The following TCF3 variants were observed in gnomAD, a reference collection of about 807,000 sequenced individuals.
TCF3 encodes the protein transcription factor 3.
In TCF3, 54 loss-of-function variants were observed where a neutral mutation model predicts 72.3. That is an observed-to-expected ratio of 0.75 (90% CI 0.60 to 0.94). The LOEUF (loss-of-function observed/expected upper bound fraction) is 0.94, where lower values mean the gene tolerates loss of function less well. TCF3 is among the 40% of genes least tolerant of loss of function. The pLI is 0.00. For missense variants in TCF3, 1,078 were observed against 934.4 expected, an observed-to-expected ratio of 1.15 and a Z score of -2.00; for synonymous variants, 525 against 412.6, an observed-to-expected ratio of 1.27 and a Z score of -3.30.
intron 1 of TCF3, chr19:1,650,846 G>A (rs767402713): frequency 1.3e-5 from 3 of 231,178 alleles, no homozygotes; most frequent in African/African-American, 4.4e-5. Context: ...TCTTTTACAA[G>A]CTTCAAGACT....
rs544599879 is a variant in TCF3 at position 1,619,615 on chromosome 19, C to T, written c.1168-141G>A. 1.7e-5 allele frequency: 22 copies of T among 1,331,770 alleles called. No individual in the cohort carries two copies. In the African/African-American group the frequency reaches 2.3e-4, roughly 14 times the overall value. 82.5% of individuals were successfully genotyped at this position (1,331,770 alleles called of 1,614,324 possible). On this transcript the variant is annotated intron_variant, in intron 14 of 18. Coordinates refer to ENST00000262965, the MANE Select transcript of TCF3 (RefSeq NM_003200.5). ...AGCTGCATATGCCAGGCATCTGGCG[C>T]CCGGGAGCACACACAAAATGTGTGT...
At chr19:1,632,760 C>T (rs1161933694) in intron 3 of TCF3, among the ~76,000 whole-genome samples, 5 of 152,202 alleles carry the variant, frequency 3.3e-5, no homozygotes, top group African/African-American at 2.4e-5. Flanking sequence ...CCCTCTGGCC[C>T]AGCCCTGACT....
At position 1,632,127 on chromosome 19, in the gene TCF3, T is replaced by C. The variant is rs866686373; in HGVS notation, c.220-11A>G. ...GCCCTCGCTGAAGGTCTAGGGGAGA[T>C]GGGGTGGGGATGAGAGGTGCTGGGG... On this transcript the variant is annotated splice_polypyrimidine_tract_variant and intron_variant, in intron 4 of 18. Coordinates refer to ENST00000262965, the MANE Select transcript of TCF3 (RefSeq NM_003200.5). 2 of 1,611,758 alleles carry C rather than the reference T, an allele frequency of 1.2e-6. No homozygotes were observed. Among genetic ancestry groups the C allele is most frequent in the Middle Eastern group, 3.3e-4 (2 of 6,034 alleles).
In TCF3 at chr19:1,644,641, G is replaced by A. The variant is rs558504933; in HGVS notation, c.145+1714C>T. On this transcript the variant is annotated intron_variant, in intron 3 of 18. Coordinates refer to ENST00000262965, the MANE Select transcript of TCF3 (RefSeq NM_003200.5). ...CTGCAAACATTGGCAGGTTCCTGCT[G>A]GGACCGGGCTGGGCGTCCAGGGAGA... is the stretch of plus-strand genomic sequence containing the variant. Among the ~76,000 whole-genome samples, 3 of 152,328 alleles carry A rather than the reference G, an allele frequency of 2.0e-5. No individual in the cohort carries two copies. The South Asian group carries it at 6.2e-4, about 32-fold the overall frequency.
At chr19:1,630,337 C>A (rs941873779) in intron 5 of TCF3, among the ~76,000 whole-genome samples, 1 of 152,178 alleles carries the variant, frequency 6.6e-6, no homozygotes, top group African/African-American at 2.4e-5. Flanking sequence ...TCAGACACAC[C>A]CGCCAGACCT....
rs149166972 is a variant in TCF3 at position 1,615,376 on chromosome 19, T to C, written c.1731A>G (p.Gln577=). 8.5e-4 allele frequency: 1,372 copies of C among 1,614,020 alleles called. 7 individuals are homozygous for C. The highest frequency in any genetic ancestry group is 6.4e-3 in the Middle Eastern group (39 of 6,060). The change falls in exon 18 of 19, where the codon CAA becomes CAG. Residue 577 remains glutamine (Q), a synonymous_variant. Coordinates refer to ENST00000262965, the MANE Select transcript of TCF3 (RefSeq NM_003200.5). This position sits in a 1 kb window ranked among gnomAD's most constrained non-coding sequence, Gnocchi z 7.3. The stretch of plus-strand genomic sequence containing the variant: ...GGGGCTTCTCGCTGTTGAGGTGCAG[T>C]TGGCACATGCGCCCCAGCTCCTTAA... ...EAFKELGRMC[Q]LHLNSEKPQT... is the part of the protein sequence containing the mutation.
At chr19:1,643,696 G>A (rs770738541) in intron 3 of TCF3, among the ~76,000 whole-genome samples, 5 of 152,268 alleles carry the variant, frequency 3.3e-5, no homozygotes, top group Non-Finnish European at 5.9e-5. Context: ...CTCCTCTCTC[G>A]ACACCAATTT....
chr19:1,622,786 C>T (rs1392786343), intron 8 of TCF3, among the ~76,000 whole-genome samples: 1 of 152,204 alleles, frequency 6.6e-6, no homozygotes, highest in Non-Finnish European at 1.5e-5. Flanking sequence ...CCTTGTTCCC[C>T]AGCTGGAATC....
rs1014829647 is a variant in TCF3 at position 1,619,453 on chromosome 19, G to A, written c.1189C>T (p.Leu397=). The A allele has an allele frequency of 1.0e-5, 16 of 1,586,664 alleles. No individual in the cohort carries two copies. Among genetic ancestry groups the A allele is most frequent in the Non-Finnish European group, 1.4e-5 (16 of 1,172,102 alleles). ...CGGAGCACGTGGATGGCCTCGTCCA[G>A]GTGGTCTTCTATCTTACTCTGCTGC... ...HGLQSKIEDH[L]DEAIHVLRSH... The change falls in exon 15 of 19, where the codon CTG becomes TTG. Residue 397 remains leucine, a synonymous_variant. Transcript: ENST00000262965.
chr19:1,639,095 G>A (rs2064871389), intron 3 of TCF3, among the ~76,000 whole-genome samples: 1 of 152,242 alleles, frequency 6.6e-6, no homozygotes, highest in Non-Finnish European at 1.5e-5. Flanking sequence ...CCAGGGTGGA[G>A]TGCGGTGGCG....
chr19:1,639,837 G>A (rs752872358), intron 3 of TCF3, among the ~76,000 whole-genome samples: 15 of 151,506 alleles, frequency 9.9e-5, no homozygotes, highest in Non-Finnish European at 1.8e-4. Flanking sequence ...TGGGGTTCAC[G>A]GGGTGGAACC....
intron 3 of TCF3, among the ~76,000 whole-genome samples, chr19:1,645,656 G>A (rs2065978131): frequency 6.6e-6 from 1 of 152,200 alleles, no homozygotes. Flanking sequence ...GGCCCTCGCT[G>A]GGTGTGCCGT....
intron 5 of TCF3, among the ~76,000 whole-genome samples, chr19:1,627,877 AGG>A (rs2063124484): frequency 2.0e-4 from 1 of 5,104 alleles, no homozygotes; most frequent in African/African-American, 1.6e-3. Context: ...CAGAGCTCAC[AGG>A]GGGTGAGGCG....
In TCF3 at chr19:1,614,506, T is replaced by TG. The variant is rs917478713; in HGVS notation, c.1822+778dup. On this transcript the variant is annotated intron_variant, in intron 18 of 18. Transcript: ENST00000262965. The surrounding 1 kb of genome is among the most constrained non-coding windows in gnomAD (Gnocchi z 5.6). ...AAGGCAGACAGCAGAGAGGCGGGCT[T>TG]GGGGGGCGCGAGGCGTGCCACACAC... is the stretch of plus-strand genomic sequence containing the variant. Among the ~76,000 whole-genome samples, 3 of 150,974 alleles carry TG rather than the reference T, an allele frequency of 2.0e-5. No individual in the cohort carries two copies. Among genetic ancestry groups the TG allele is most frequent in the Non-Finnish European group, 1.5e-5 (1 of 67,682 alleles).
chr19:1,630,624 T>G (rs975089862), intron 5 of TCF3, among the ~76,000 whole-genome samples: 1 of 152,086 alleles, frequency 6.6e-6, no homozygotes, highest in Admixed American at 6.5e-5. Context: ...ACACCCCCAC[T>G]GCACCACGAA....
intron 3 of TCF3, among the ~76,000 whole-genome samples, chr19:1,640,399 T>A (rs574453192): frequency 6.7e-6 from 1 of 149,424 alleles, no homozygotes; most frequent in Admixed American, 6.7e-5. Flanking sequence ...GCGCAATGGT[T>A]ACTAAACTCT....
chr19:1,642,235 C>T (rs1192586467), intron 3 of TCF3, among the ~76,000 whole-genome samples: 11 of 151,878 alleles, frequency 7.2e-5, no homozygotes, highest in Admixed American at 2.0e-4. Flanking sequence ...CAGACACGCA[C>T]GCGCAGACGC....
chr19:1,615,326 T>C lies in TCF3; in HGVS notation c.1781A>G (p.Gln594Arg), dbSNP rs1186803096. Residue 594 changes from glutamine to arginine, a missense_variant, in exon 18 of 19, where the codon CAG (glutamine) becomes CGG (arginine). Coordinates refer to ENST00000262965, the MANE Select transcript of TCF3 (RefSeq NM_003200.5). This position sits in a 1 kb window ranked among gnomAD's most constrained non-coding sequence, Gnocchi z 7.3. ...KPQTKLLILH[Q>R]AVSVILNLEQ... is the part of the protein sequence containing the mutation. ...CAAGTTCAGGATGACCGAGACAGCCTGGTGCAGGATGAGCAGTTTGGTCTG... is the reference window on the plus strand; with the variant it reads ...CAAGTTCAGGATGACCGAGACAGCCCGGTGCAGGATGAGCAGTTTGGTCTG... 1 of 1,609,192 alleles carries C rather than the reference T, an allele frequency of 6.2e-7. No homozygotes were observed. Among genetic ancestry groups the C allele is most frequent in the African/African-American group, 1.3e-5 (1 of 74,802 alleles).
At chr19:1,642,370 G>A (rs1269561815) in intron 3 of TCF3, among the ~76,000 whole-genome samples, 2 of 152,204 alleles carry the variant, frequency 1.3e-5, no homozygotes, top group African/African-American at 2.4e-5. Context: ...AGGATCTGTG[G>A]ACGGCACCAA....
Sources: gnomAD v4.1 joint callset for allele counts (sites outside exome capture counted in the v4.1 genomes callset) on GRCh38, gnomAD v4.1.1 for gene constraint, Gnocchi (gnomAD v3.1) non-coding constraint, MANE v1.5 for transcripts, NCBI Gene and HGNC (gene_info 2026-07-23, HGNC 2026-07-21) for gene names.